The following CLIP4 variants were observed in gnomAD, a reference collection of about 807,000 sequenced individuals.
CLIP4 encodes CAP-Gly domain-containing linker protein 4.
A neutral mutation model predicts 73.1 loss-of-function variants in CLIP4; 47 were observed. The observed-to-expected ratio is 0.64, with a 90% CI of 0.51 to 0.82. The LOEUF (loss-of-function observed/expected upper bound fraction) is 0.82, where lower values mean the gene tolerates loss of function less well. CLIP4 is among the 40% of genes least tolerant of loss of function. CLIP4 has a pLI of 0.00. For synonymous variants in CLIP4, 306 were observed against 295.4 expected (o/e 1.04, Z -0.37); for missense variants, 874 against 852.9 (o/e 1.02, Z -0.31).
At chr2:29,103,081 T>C (rs1668097264) in intron 1 of CLIP4, among the ~76,000 whole-genome samples, 1 of 152,178 alleles carries the variant, frequency 6.6e-6, no homozygotes, top group African/African-American at 2.4e-5. Context: ...GCTGCTCATT[T>C]TACCCCTGGG....
Position 29,109,972 on chromosome 2 carries a change from C to T in CLIP4, c.-15-11402C>T, listed in dbSNP as rs190583308. Among the ~76,000 whole-genome samples the T allele has an allele frequency of 5.3e-3, 800 of 152,130 alleles. 3 individuals carry two copies. Among genetic ancestry groups the T allele is most frequent in the Non-Finnish European group, 4.9e-3 (336 of 67,986 alleles). On this transcript the variant is annotated intron_variant, in intron 1 of 14. Coordinates refer to the CLIP4 transcript ENST00000401605. ...ACTCGGTAGGCTGAGGCAGGAGAAT[C>T]GCTTGAACCGAGGAGGTGGAGGTTG...
Position 29,167,463 on chromosome 2 carries a change from G to A in CLIP4, c.1659-13G>A. ...AGCTACTTCTAACGAGATGTCCTTTGTTTTATTCATAGAGTAACAGATTCC... is the reference window on the plus strand; with the variant it reads ...AGCTACTTCTAACGAGATGTCCTTTATTTTATTCATAGAGTAACAGATTCC... On this transcript the variant is annotated splice_polypyrimidine_tract_variant and intron_variant, in intron 13 of 15. Coordinates refer to ENST00000320081, the MANE Select transcript of CLIP4 (RefSeq NM_024692.6). The A allele has an allele frequency of 6.3e-7, 1 of 1,588,620 alleles. No individual in the cohort carries two copies. The highest frequency in any genetic ancestry group is 1.4e-5 in the African/African-American group (1 of 73,726).
chr2:29,131,162 T>C, intron 2 of CLIP4, 96 bp from the exon 3 acceptor site: 1 of 1,078,248 alleles, frequency 9.3e-7, no homozygotes, highest in South Asian at 1.7e-5. Flanking sequence ...ATCTAAAATA[T>C]TTGTATCATT....
At chr2:29,176,495 G>C (rs1452754568) in intron 15 of CLIP4, among the ~76,000 whole-genome samples, 1 of 152,226 alleles carries the variant, frequency 6.6e-6, no homozygotes, top group African/African-American at 2.4e-5. Context: ...CAAGCTGGGA[G>C]AGGAGAAGGA....
At chr2:29,114,066 A>C (rs1184651213), upstream of CLIP4, 1 of 152,246 alleles carries the variant, frequency 6.6e-6, no homozygotes, top group Non-Finnish European at 1.5e-5. Context: ...GACCAGGGTC[A>C]GGGATGGTCA....
chr2:29,113,534 A>G (rs1358850606), upstream of CLIP4, among the ~76,000 whole-genome samples: 2 of 152,212 alleles, frequency 1.3e-5, no homozygotes, highest in Non-Finnish European at 2.9e-5. The surrounding 1 kb of genome is among the most constrained non-coding windows in gnomAD (Gnocchi z 4.0). Flanking sequence ...AAGTAACGTC[A>G]GATTTTTGAA....
chr2:29,157,287 A>G lies in CLIP4; in HGVS notation c.1339A>G (p.Ile447Val), dbSNP rs1666988036. 4 of 1,614,138 alleles carry G rather than the reference A, an allele frequency of 2.5e-6. No homozygotes were observed. The highest frequency in any genetic ancestry group is 1.1e-5 in the South Asian group (1 of 91,082). ...GAGCTACCCCAAGAAACAGAATGCAATCAGCAGTAACAAGAAGACAATGAG... is the reference window on the plus strand; with the variant it reads ...GAGCTACCCCAAGAAACAGAATGCAGTCAGCAGTAACAAGAAGACAATGAG... ...RQSYPKKQNA[I>V]SSNKKTMSKS... Residue 447 changes from isoleucine (I) to valine (V), a missense_variant, in exon 11 of 16, where the codon ATC becomes GTC. Physicochemically the swap from Ile to Val is conservative, Grantham distance 29 (BLOSUM62 3). Transcript: ENST00000320081.
At chr2:29,165,215 T>A in intron 13 of CLIP4, among the ~76,000 whole-genome samples, 1 of 152,172 alleles carries the variant, frequency 6.6e-6, no homozygotes, top group East Asian at 1.9e-4. Flanking sequence ...TTGTAATTGT[T>A]TTTTCTGTAA....
intron 15 of CLIP4, among the ~76,000 whole-genome samples, chr2:29,179,182 C>G (rs2123442): frequency 1.3e-5 from 2 of 152,006 alleles, no homozygotes; most frequent in Non-Finnish European, 2.9e-5. Context: ...TTTTTCTCAG[C>G]TAATTTTTAC....
At chr2:29,130,076 A>T (rs1334246611) in intron 2 of CLIP4, 4 of 470,814 alleles carry the variant, frequency 8.5e-6, no homozygotes, top group African/African-American at 8.0e-5. Flanking sequence ...GTTCAGCATA[A>T]TTGGAGAGTT....
intron 13 of CLIP4, 23 bp from the exon 14 acceptor site, chr2:29,167,453 G>A: frequency 1.3e-6 from 2 of 1,564,190 alleles, no homozygotes; most frequent in Non-Finnish European, 1.7e-6. Context: ...CTTCTAACGA[G>A]ATGTCCTTTG....
chr2:29,148,468 T>C (rs767331894), intron 8 of CLIP4, among the ~76,000 whole-genome samples: 56 of 152,352 alleles, frequency 3.7e-4, no homozygotes, highest in Non-Finnish European at 7.6e-4. Context: ...GTGGTATTAC[T>C]GTTTTTATGT....
At position 29,167,210 on chromosome 2, in the gene CLIP4, G is replaced by T. The variant is rs960748715; in HGVS notation, c.1659-266G>T. On this transcript the variant is annotated intron_variant, in intron 13 of 15. Coordinates refer to ENST00000320081, the MANE Select transcript of CLIP4 (RefSeq NM_024692.6). Reference sequence around the variant, plus strand: ...TTTTAGTTTCACCTTTGAAGATGAGGTTACAAAGAAATTCAGGTCCATATT... The same window carrying T: ...TTTTAGTTTCACCTTTGAAGATGAGTTTACAAAGAAATTCAGGTCCATATT... 2.6e-5 allele frequency among the ~76,000 whole-genome samples: 4 copies of T among 152,056 alleles called. No individual in the cohort carries two copies. The South Asian group carries it at 8.3e-4, about 32-fold the overall frequency.
intron 11 of CLIP4, among the ~76,000 whole-genome samples, chr2:29,159,078 T>G (rs981400969): frequency 1.3e-5 from 2 of 152,234 alleles, no homozygotes; most frequent in African/African-American, 4.8e-5. Context: ...CTTAGTTAAT[T>G]CCTGAGTTTG....
At chr2:29,124,989 A>G (rs1558520501) in intron 2 of CLIP4, among the ~76,000 whole-genome samples, 1 of 152,114 alleles carries the variant, frequency 6.6e-6, no homozygotes, top group Non-Finnish European at 1.5e-5. Context: ...ACCTTGTTAG[A>G]TGCTGGATAT....
intron 1 of CLIP4, among the ~76,000 whole-genome samples, chr2:29,106,622 G>A (rs1304070248): frequency 2.0e-5 from 3 of 152,234 alleles, no homozygotes; most frequent in African/African-American, 7.2e-5. Context: ...TCCAATTCAG[G>A]TTCCCCACAC....
At chr2:29,103,050 T>C (rs1668096784) in intron 1 of CLIP4, among the ~76,000 whole-genome samples, 1 of 152,154 alleles carries the variant, frequency 6.6e-6, no homozygotes. Flanking sequence ...CCTACCAGCC[T>C]GTCCCGTGCC....
intron 1 of CLIP4, among the ~76,000 whole-genome samples, chr2:29,098,671 A>G (rs898334391): frequency 6.6e-6 from 1 of 152,122 alleles, no homozygotes; most frequent in Non-Finnish European, 1.5e-5. Context: ...TCCTACTAAC[A>G]TTCACGTATC....
rs1558505002 is a variant in CLIP4 at position 29,107,374 on chromosome 2, T to TTG, written c.-16+9428_-16+9429insGT. 6.6e-3 allele frequency among the ~76,000 whole-genome samples: 811 copies of TTG among 122,430 alleles called. 20 individuals are homozygous for TTG. Among genetic ancestry groups the TTG allele is most frequent in the African/African-American group, 0.026 (789 of 30,786 alleles). The allele number at this position is 122,430 out of a possible 152,430, so 80.3% of individuals were successfully genotyped here. On this transcript the variant is annotated intron_variant, in intron 1 of 14. Transcript: ENST00000401605. ...AACATGATAGTTTTTTTTTTTTTTT[T>TTG]TTTTTTTTTTTTTTTGAGATGGAGT...
Sources: allele counts gnomAD v4.1 joint callset (sites outside exome capture counted in the v4.1 genomes callset), GRCh38; gene constraint gnomAD v4.1.1; non-coding constraint Gnocchi (gnomAD v3.1); transcripts MANE v1.5; gene names NCBI Gene and HGNC (gene_info 2026-07-23, HGNC 2026-07-21).